Variants in RLBP1 observed in about 807,000 individuals in gnomAD.
RLBP1 encodes the protein retinaldehyde-binding protein 1.
Under a neutral mutation model 36.2 loss-of-function variants are expected in RLBP1, and 26 were observed. That is an observed-to-expected ratio of 0.72 (90% CI 0.53 to 1.00). The LOEUF (loss-of-function observed/expected upper bound fraction) is 1.00. RLBP1 is among the 50% of genes least tolerant of loss of function. The pLI, the probability that RLBP1 is intolerant of heterozygous loss-of-function variation, is 0.00. For missense variants in RLBP1, 410 were observed against 402.4 expected, an observed-to-expected ratio of 1.02 and a Z score of -0.16; for synonymous variants, 155 against 156.2, an observed-to-expected ratio of 0.99 and a Z score of 0.06.
At position 89,214,580 on chromosome 15, in the gene RLBP1, A is replaced by G. The variant is rs190414941; in HGVS notation, c.525+480T>C. ...TCCCAAGACAAACCCTAATTCCCCA[A>G]CTTGGGGCAGCCCCCTTAACGGCTC... is the stretch of plus-strand genomic sequence containing the variant. On this transcript the variant is annotated intron_variant, in intron 6 of 8. Coordinates refer to ENST00000268125, the MANE Select transcript of RLBP1 (RefSeq NM_000326.5). This position sits in a 1 kb window ranked among gnomAD's most constrained non-coding sequence, Gnocchi z 4.6. Among the ~76,000 whole-genome samples the G allele has an allele frequency of 9.2e-5, 14 of 152,294 alleles. No homozygotes were observed. The East Asian group carries it at 2.7e-3, about 29-fold the overall frequency.
At chr15:89,219,612 T>G (rs1391222732) in intron 2 of RLBP1, 125 bp downstream of exon 2, 1 of 156,488 alleles carries the variant, frequency 6.4e-6, no homozygotes, top group East Asian at 1.9e-4. Context: ...TACTTTCAAA[T>G]CCACTCTCTC....
Position 89,211,913 on chromosome 15 carries a change from AGAG to A in RLBP1, c.526-15_526-13del, listed in dbSNP as rs1169705287. On this transcript the variant is annotated splice_polypyrimidine_tract_variant and intron_variant, in intron 6 of 8. Coordinates refer to ENST00000268125, the MANE Select transcript of RLBP1 (RefSeq NM_000326.5). The surrounding 1 kb of genome is among the most constrained non-coding windows in gnomAD (Gnocchi z 5.8). The stretch of plus-strand genomic sequence containing the variant: ...TATGCCTGCAAGATCTTGGGCACAG[AGAG>A]AACAGGCTGTAAGATCTAACCCGCA... 1 of 1,614,014 alleles carries A rather than the reference AGAG, an allele frequency of 6.2e-7. No individual in the cohort carries two copies. The highest frequency in any genetic ancestry group is 8.5e-7 in the Non-Finnish European group (1 of 1,180,040).
rs2710 is a variant in RLBP1, at chr15:89,209,989, C to T, written c.*296G>A. On this transcript the variant is annotated 3_prime_UTR_variant, in exon 9 of 9. Coordinates refer to ENST00000268125, the MANE Select transcript of RLBP1 (RefSeq NM_000326.5). Reference sequence around the variant, plus strand: ...TAAAACTCTGTTACAAAGGAAATGACTGAGAAAATGAATTCGAGTCTTTGA... The same window carrying T: ...TAAAACTCTGTTACAAAGGAAATGATTGAGAAAATGAATTCGAGTCTTTGA... 0.38 allele frequency: 170,502 copies of T among 450,466 alleles called. 33,582 individuals are homozygous for T. The highest frequency in any genetic ancestry group is 0.46 in the African/African-American group (23,574 of 50,884). 27.9% of individuals were successfully genotyped at this position (450,466 alleles called of 1,614,324 possible). A position where few individuals can be genotyped will look rare whatever the true frequency, so the allele number is the denominator to read the frequency against.
At chr15:89,221,165 G>A (rs147096781) in intron 1 of RLBP1, among the ~76,000 whole-genome samples, 2 of 152,006 alleles carry the variant, frequency 1.3e-5, no homozygotes, top group Non-Finnish European at 2.9e-5. Flanking sequence ...CCACCAGCAC[G>A]CCTGGCTAAT....
In RLBP1 at chr15:89,214,242, CTT is replaced by C. The variant is rs1392471895; in HGVS notation, c.525+816_525+817del. On this transcript the variant is annotated intron_variant, in intron 6 of 8. Transcript: ENST00000268125. This position sits in a 1 kb window ranked among gnomAD's most constrained non-coding sequence, Gnocchi z 4.6. ...TTGGGAGGCCGAGGTGGGCGGATCA[CTT>C]GAGCTCAGGAGTTTGAGACCAGCCT... 6.6e-6 allele frequency among the ~76,000 whole-genome samples: 1 copy of C among 152,128 alleles called. No individual in the cohort carries two copies. Among genetic ancestry groups the C allele is most frequent in the Admixed American group, 6.6e-5 (1 of 15,262 alleles).
At position 89,209,894 on chromosome 15, in the gene RLBP1, T is replaced by G. The variant is rs1164846675; in HGVS notation, c.*391A>C. On this transcript the variant is annotated 3_prime_UTR_variant, in exon 9 of 9. Transcript: ENST00000268125. ...TCCTCTCTCTTTTATCTTCTTTTAT[T>G]GCATTTTGGGGGCGAATAGGGGGAT... 1 of 293,398 alleles carries G rather than the reference T, an allele frequency of 3.4e-6. No homozygotes were observed. The highest frequency in any genetic ancestry group is 8.7e-5 in the East Asian group (1 of 11,458). The allele number at this position is 293,398 out of a possible 1,614,324, so 18.2% of individuals were successfully genotyped here. A position where few individuals can be genotyped will look rare whatever the true frequency, so the allele number is the denominator to read the frequency against.
intron 6 of RLBP1, among the ~76,000 whole-genome samples, chr15:89,212,613 TGTGTGTGTGCGC>T (rs2051547902): frequency 7.9e-6 from 1 of 127,236 alleles, no homozygotes; most frequent in African/African-American, 3.1e-5. Context: ...GAAAAATGTG[TGTGTGTGTGCGC>T]GTGTGTGTGT....
At chr15:89,213,624 C>T (rs2051555823) in intron 6 of RLBP1, among the ~76,000 whole-genome samples, 1 of 152,180 alleles carries the variant, frequency 6.6e-6, no homozygotes, top group South Asian at 2.1e-4. Flanking sequence ...AGCAGAGTCT[C>T]TCTCTGTCCC....
In RLBP1 at chr15:89,215,137, T is replaced by A; in HGVS notation, c.448A>T (p.Ser150Cys). Residue 150 changes from serine to cysteine, a missense_variant, in exon 6 of 9, where the codon AGT becomes TGT. Transcript: ENST00000268125. ...ACCACTCGGCCATACTTGTCCCGAC[T>A]AGAGAGGACACCAGGGTAGCCAGCT... ...IEAGYPGVLS[S>C]RDKYGRVVML... is the part of the protein sequence containing the mutation. 1 of 1,614,218 alleles carries A rather than the reference T, an allele frequency of 6.2e-7. No homozygotes were observed. Among genetic ancestry groups the A allele is most frequent in the South Asian group, 1.1e-5 (1 of 91,084 alleles).
chr15:89,216,907 G>A (rs1000506230), intron 5 of RLBP1, among the ~76,000 whole-genome samples: 2 of 152,204 alleles, frequency 1.3e-5, no homozygotes, highest in Non-Finnish European at 2.9e-5. Context: ...AGAGGACTCA[G>A]ACCTCCAGAA....
chr15:89,217,670 C>T (rs2051593683), intron 4 of RLBP1, among the ~76,000 whole-genome samples: 1 of 152,202 alleles, frequency 6.6e-6, no homozygotes, highest in Admixed American at 6.5e-5. Flanking sequence ...GTTCTTATCC[C>T]CAGCTCTCAG....
Position 89,216,352 on chromosome 15 carries a change from T to C in RLBP1, c.346+768A>G, listed in dbSNP as rs537478630. Among the ~76,000 whole-genome samples, 17 of 152,218 alleles carry C rather than the reference T, an allele frequency of 1.1e-4. No individual in the cohort carries two copies. The South Asian group carries it at 2.3e-3, about 20-fold the overall frequency. On this transcript the variant is annotated intron_variant, in intron 5 of 8. Coordinates refer to ENST00000268125, the MANE Select transcript of RLBP1 (RefSeq NM_000326.5). ...TTCTTTCTTTTTTGAGATAGAGTTT[T>C]GCTCTTGTTGCCCAGGCTGGAGTGC...
chr15:89,216,384 A>G (rs574500514), intron 5 of RLBP1, among the ~76,000 whole-genome samples: 91 of 151,134 alleles, frequency 6.0e-4, no homozygotes, highest in South Asian at 1.9e-3. Flanking sequence ...GTGCAATGGC[A>G]CGATCTCAGC....
At position 89,210,066 on chromosome 15, in the gene RLBP1, A is replaced by T. The variant is rs2051523412; in HGVS notation, c.*219T>A. 1 of 589,392 alleles carries T rather than the reference A, an allele frequency of 1.7e-6. No individual in the cohort carries two copies. The highest frequency in any genetic ancestry group is 2.0e-5 in the South Asian group (1 of 50,330). 36.5% of individuals were successfully genotyped at this position (589,392 alleles called of 1,614,324 possible). On this transcript the variant is annotated 3_prime_UTR_variant, in exon 9 of 9. Coordinates refer to ENST00000268125, the MANE Select transcript of RLBP1 (RefSeq NM_000326.5). This position sits in a 1 kb window ranked among gnomAD's most constrained non-coding sequence, Gnocchi z 4.7. ...TCTTAAAGCTTCAAGGGCAGGTGGA[A>T]ATATAACTATCCCCAGTTCTTCTTG...
At position 89,211,627 on chromosome 15, in the gene RLBP1, T is replaced by G; in HGVS notation, c.684+116A>C. The G allele has an allele frequency of 9.5e-7, 1 of 1,048,428 alleles. No homozygotes were observed. Among genetic ancestry groups the G allele is most frequent in the Non-Finnish European group, 1.4e-6 (1 of 701,752 alleles). 64.9% of individuals were successfully genotyped at this position (1,048,428 alleles called of 1,614,324 possible). A position where few individuals can be genotyped will look rare whatever the true frequency, so the allele number is the denominator to read the frequency against. On this transcript the variant is annotated intron_variant, in intron 7 of 8. Coordinates refer to ENST00000268125, the MANE Select transcript of RLBP1 (RefSeq NM_000326.5). This position sits in a 1 kb window ranked among gnomAD's most constrained non-coding sequence, Gnocchi z 5.8. Reference sequence around the variant, plus strand: ...TTGGGACTGTGGCTGTCACTGCTCTTTATGGCGCGAGGTGGTCCAACTTCT... The same window carrying G: ...TTGGGACTGTGGCTGTCACTGCTCTGTATGGCGCGAGGTGGTCCAACTTCT...
rs766929564 is a variant in RLBP1, at chr15:89,218,992, A to G, written c.-17T>C. On this transcript the variant is annotated 5_prime_UTR_variant, in exon 3 of 9. Transcript: ENST00000268125. This position sits in a 1 kb window ranked among gnomAD's most constrained non-coding sequence, Gnocchi z 4.6. ...TTCTGACATGTTGCCTATGGAAGAC[A>G]CAGAGTCCTTGGAAAAAGAAGGGAT... The G allele has an allele frequency of 1.1e-5, 18 of 1,614,010 alleles. No individual in the cohort carries two copies. In the Middle Eastern group the frequency reaches 4.9e-4, roughly 44 times the overall value.
intron 1 of RLBP1, among the ~76,000 whole-genome samples, chr15:89,221,128 C>G (rs957129627): frequency 2.0e-5 from 3 of 151,872 alleles, no homozygotes; most frequent in African/African-American, 4.8e-5. Context: ...CTGCCTTAGC[C>G]TCCTGAGTAG....
rs573368203 is a variant in RLBP1, at chr15:89,218,619, G to A, written c.87C>T (p.Asp29=). 25 of 1,614,256 alleles carry A rather than the reference G, an allele frequency of 1.5e-5. No homozygotes were observed. In the South Asian group the frequency reaches 2.3e-4, roughly 15 times the overall value. ...RAQLEQLTTK[D]HGPVFGPCSQ... ...TGCACGGGCCAAAGACAGGTCCATG[G>A]TCCTTGGTTGTGAGCTGCTCCAGTT... The change falls in exon 4 of 9, where the codon GAC becomes GAT. Residue 29 remains aspartate, a synonymous_variant. Transcript: ENST00000268125. The surrounding 1 kb of genome is among the most constrained non-coding windows in gnomAD (Gnocchi z 4.6).
At chr15:89,219,531 G>C in intron 2 of RLBP1, 1 of 172,480 alleles carries the variant, frequency 5.8e-6, no homozygotes, top group Non-Finnish European at 1.3e-5. Context: ...TCTCAAGATG[G>C]GTGATGACCA....
Sources: allele counts gnomAD v4.1 joint callset (sites outside exome capture counted in the v4.1 genomes callset), GRCh38; gene constraint gnomAD v4.1.1; non-coding constraint Gnocchi (gnomAD v3.1); transcripts MANE v1.5; gene names NCBI Gene and HGNC (gene_info 2026-07-23, HGNC 2026-07-21).